The following ANKS1A variants were observed in gnomAD, a reference collection of about 807,000 sequenced individuals.
The protein encoded by ANKS1A is ankyrin repeat and SAM domain-containing protein 1A.
In ANKS1A, 55 loss-of-function variants were observed where a neutral mutation model predicts 120.3. That is an observed-to-expected ratio of 0.46 (90% CI 0.37 to 0.57). The LOEUF is 0.57. ANKS1A is among the 20% of genes least tolerant of loss of function. The probability of loss-of-function intolerance (pLI) is 0.00; values close to 1 mark genes in which losing one functional copy is unlikely to be tolerated. For synonymous variants in ANKS1A, 590 were observed against 604.7 expected (o/e 0.98, Z 0.36); for missense variants, 1,123 against 1,480.3 (o/e 0.76, Z 3.96).
In ANKS1A at chr6:35,019,293, A is replaced by T. The variant is rs923718725; in HGVS notation, c.2010+1234A>T. On this transcript the variant is annotated intron_variant, in intron 11 of 23. Transcript: ENST00000360359. ...CAAGAACTCCATTTAGCTCTCCAAG[A>T]GGAGGGGAACACTACAGCTGACATG... Among the ~76,000 whole-genome samples, 6 of 152,156 alleles carry T rather than the reference A, an allele frequency of 3.9e-5. No homozygotes were observed. In the East Asian group the frequency reaches 1.2e-3, roughly 29 times the overall value.
At chr6:35,024,897 C>T (rs142287481) in intron 11 of ANKS1A, among the ~76,000 whole-genome samples, 18 of 152,312 alleles carry the variant, frequency 1.2e-4, no homozygotes, top group Admixed American at 5.2e-4. Flanking sequence ...AAATTTCCCA[C>T]GCCATATTCT....
chr6:35,023,708 T>C, intron 11 of ANKS1A: 1 of 346,524 alleles, frequency 2.9e-6, no homozygotes. Context: ...TTCGACCAAT[T>C]AGCGTGGAAG....
downstream of ANKS1A, among the ~76,000 whole-genome samples, chr6:35,096,343 A>T (rs1438276294): frequency 6.6e-6 from 1 of 152,182 alleles, no homozygotes; most frequent in Admixed American, 6.5e-5. Context: ...CCTTTCTGGG[A>T]TGAGGACAAG....
In ANKS1A at chr6:34,889,532, GGCGGCGGCA is replaced by G. The variant is rs763137788; in HGVS notation, c.139_147del (p.Ser47_Gly49del). The G allele has an allele frequency of 1.2e-4, 150 of 1,271,310 alleles. 2 individuals are homozygous for G. In the African/African-American group the frequency reaches 1.7e-3, roughly 15 times the overall value. The allele number at this position is 1,271,310 out of a possible 1,614,324, so 78.8% of individuals were successfully genotyped here. On this transcript the variant is annotated inframe_deletion, in exon 1 of 24. Transcript: ENST00000360359. The surrounding 1 kb of genome is among the most constrained non-coding windows in gnomAD (Gnocchi z 5.5). ...CGGCGGCGGTGGCTCTGGGGGCGGCGGCGGCGGCAGCGGCGGCGGCGGCGGCGGCCTCGG... is the reference window on the plus strand; with the variant it reads ...CGGCGGCGGTGGCTCTGGGGGCGGCGGCGGCGGCGGCGGCGGCGGCCTCGG...
chr6:34,918,086 G>A (rs976594268), intron 1 of ANKS1A, among the ~76,000 whole-genome samples: 1 of 152,202 alleles, frequency 6.6e-6, no homozygotes, highest in African/African-American at 2.4e-5. Flanking sequence ...GACCCTGCTA[G>A]TTCCTTCTAG....
chr6:35,072,826 C>A (rs977612840), intron 13 of ANKS1A, among the ~76,000 whole-genome samples: 1 of 152,194 alleles, frequency 6.6e-6, no homozygotes, highest in Non-Finnish European at 1.5e-5. Flanking sequence ...AGGGGCTGTG[C>A]CCCAGCCCAG....
chr6:35,030,022 C>T (rs1486417328), intron 11 of ANKS1A, among the ~76,000 whole-genome samples: 1 of 151,914 alleles, frequency 6.6e-6, no homozygotes, highest in Non-Finnish European at 1.5e-5. Flanking sequence ...TTCACTTTTC[C>T]TGGTGATGAA....
intron 1 of ANKS1A, among the ~76,000 whole-genome samples, chr6:34,933,768 G>A (rs1232308054): frequency 6.6e-6 from 1 of 152,194 alleles, no homozygotes; most frequent in African/African-American, 2.4e-5. Flanking sequence ...CCCTTTTGTT[G>A]CTTTGACTGA....
chr6:35,053,015 G>A (rs1468250763), intron 11 of ANKS1A, among the ~76,000 whole-genome samples: 3 of 152,178 alleles, frequency 2.0e-5, no homozygotes, highest in Admixed American at 2.0e-4. Flanking sequence ...GCTGCCCAAG[G>A]AGAGATGGCG....
Position 35,083,232 on chromosome 6 carries a change from G to T in ANKS1A, c.2907+6G>T, listed in dbSNP as rs1024175129. The T allele has an allele frequency of 1.2e-6, 2 of 1,614,090 alleles. No individual in the cohort carries two copies. The highest frequency in any genetic ancestry group is 1.7e-6 in the Non-Finnish European group (2 of 1,180,014). On this transcript the variant is annotated splice_donor_region_variant and intron_variant, in intron 19 of 23. Transcript: ENST00000360359. ...ACGCCTGTGCCAAGATGCGGGTAGG[G>T]TGCCTGTGTGGGCTGGAGGGCGCTG...
intron 1 of ANKS1A, among the ~76,000 whole-genome samples, chr6:34,891,596 C>T (rs1369251063): frequency 6.6e-6 from 1 of 152,078 alleles, no homozygotes; most frequent in African/African-American, 2.4e-5. Context: ...TGAGAAGTTT[C>T]TCATATCTCC....
chr6:34,975,768 A>C (rs1194923345), intron 3 of ANKS1A, among the ~76,000 whole-genome samples: 1 of 151,912 alleles, frequency 6.6e-6, no homozygotes, highest in Non-Finnish European at 1.5e-5. Context: ...AAAAAATAAT[A>C]ATAATAATAG....
intron 13 of ANKS1A, among the ~76,000 whole-genome samples, chr6:35,074,034 T>A (rs1581739151): frequency 6.6e-6 from 1 of 152,270 alleles, no homozygotes; most frequent in East Asian, 1.9e-4. Context: ...TCCATTCATC[T>A]CTTGTTCCTC....
At chr6:34,948,262 C>A (rs932285714) in intron 1 of ANKS1A, among the ~76,000 whole-genome samples, 37 of 151,636 alleles carry the variant, frequency 2.4e-4, no homozygotes, top group African/African-American at 9.0e-4. Flanking sequence ...GTAGAAACAA[C>A]CATTTAAAAA....
intron 1 of ANKS1A, among the ~76,000 whole-genome samples, chr6:34,926,073 C>T (rs1156251065): frequency 1.3e-5 from 2 of 152,200 alleles, no homozygotes; most frequent in Non-Finnish European, 1.5e-5. Context: ...ATGTGTTAAC[C>T]TGTCCTAGGC....
chr6:34,897,520 G>C (rs1246933714), intron 1 of ANKS1A, among the ~76,000 whole-genome samples: 1 of 152,154 alleles, frequency 6.6e-6, no homozygotes, highest in Admixed American at 6.5e-5. Flanking sequence ...GAAAAATCAG[G>C]CTCTCCTGTG....
chr6:34,977,625 C>T (rs1771671216), intron 3 of ANKS1A, among the ~76,000 whole-genome samples: 1 of 152,136 alleles, frequency 6.6e-6, no homozygotes, highest in East Asian at 1.9e-4. Flanking sequence ...GTTTGATTGG[C>T]ATCTATCTTC....
intron 9 of ANKS1A, among the ~76,000 whole-genome samples, chr6:34,990,163 A>G (rs557630955): frequency 2.5e-4 from 38 of 152,312 alleles, no homozygotes; most frequent in South Asian, 6.2e-4. Context: ...GCCACGGACC[A>G]TGGCAGGTTC....
In ANKS1A at chr6:35,031,789, T is replaced by C. The variant is rs545830799; in HGVS notation, c.2010+13730T>C. On this transcript the variant is annotated intron_variant, in intron 11 of 23. Coordinates refer to ENST00000360359, the MANE Select transcript of ANKS1A (RefSeq NM_015245.3). Reference sequence around the variant, plus strand: ...AGAGTCCAGACTCCTTAGCCTGGAGTGCATGATTCACCAGAGAATGAGCCC... The same window carrying C: ...AGAGTCCAGACTCCTTAGCCTGGAGCGCATGATTCACCAGAGAATGAGCCC... Among the ~76,000 whole-genome samples, 11 of 152,270 alleles carry C rather than the reference T, an allele frequency of 7.2e-5. 4 individuals carry two copies. Among genetic ancestry groups the C allele is most frequent in the African/African-American group, 2.6e-4 (11 of 41,552 alleles).
Sources: gnomAD v4.1 joint callset for allele counts (sites outside exome capture counted in the v4.1 genomes callset) on GRCh38, gnomAD v4.1.1 for gene constraint, Gnocchi (gnomAD v3.1) non-coding constraint, MANE v1.5 for transcripts, NCBI Gene and HGNC (gene_info 2026-07-23, HGNC 2026-07-21) for gene names.